Variants in EFR3A observed in about 807,000 individuals in gnomAD.
EFR3A encodes the protein protein EFR3 homolog A.
Under a neutral mutation model 104.4 loss-of-function variants are expected in EFR3A, and 76 were observed. That is an observed-to-expected ratio of 0.73 (90% CI 0.60 to 0.88). The LOEUF (loss-of-function observed/expected upper bound fraction) is 0.88. Among genes scored for constraint, EFR3A ranks in the 40% least tolerant of loss-of-function variants. The probability of loss-of-function intolerance (pLI) is 0.00; values close to 1 mark genes in which losing one functional copy is unlikely to be tolerated. For synonymous variants in EFR3A, 330 were observed against 330.0 expected, an observed-to-expected ratio of 1.00 and a Z score of 0.00; for missense variants, 985 against 1,012.5, an observed-to-expected ratio of 0.97 and a Z score of 0.37.
intron 18 of EFR3A, among the ~76,000 whole-genome samples, chr8:131,990,438 T>G (rs952464193): frequency 6.6e-6 from 1 of 152,164 alleles, no homozygotes; most frequent in African/African-American, 2.4e-5. Flanking sequence ...AAACTGTGCT[T>G]CATATGGTAG....
chr8:131,958,593 T>G (rs201136365), intron 7 of EFR3A, among the ~76,000 whole-genome samples: 4 of 152,076 alleles, frequency 2.6e-5, no homozygotes, highest in East Asian at 3.9e-4. Flanking sequence ...CAGGTCTTTT[T>G]TTTTTTTGTA....
chr8:131,999,870 T>C (rs887895219), intron 19 of EFR3A, among the ~76,000 whole-genome samples: 26 of 152,068 alleles, frequency 1.7e-4, no homozygotes, highest in Non-Finnish European at 1.9e-4. Context: ...AAAAAGAATC[T>C]CTCAAGTGTG....
At chr8:131,981,641 A>C (rs1820619259) in intron 14 of EFR3A, among the ~76,000 whole-genome samples, 1 of 152,128 alleles carries the variant, frequency 6.6e-6, no homozygotes. Flanking sequence ...TGGGTTCTGT[A>C]GGCACAGGAT....
intron 7 of EFR3A, 21 bp downstream of exon 7, chr8:131,955,926 T>A (rs1226832780): frequency 6.2e-7 from 1 of 1,610,098 alleles, no homozygotes; most frequent in South Asian, 1.1e-5. Context: ...GGTGTTTTCC[T>A]GGTTATTTGT....
At chr8:131,944,935 A>G in intron 3 of EFR3A, 63 bp downstream of exon 3, 2 of 1,543,560 alleles carry the variant, frequency 1.3e-6, no homozygotes, top group Non-Finnish European at 1.8e-6. Context: ...CTTTTAAATC[A>G]TTCTATAGAT....
At chr8:131,922,062 C>T (rs1817060032) in intron 1 of EFR3A, among the ~76,000 whole-genome samples, 1 of 152,174 alleles carries the variant, frequency 6.6e-6, no homozygotes, top group African/African-American at 2.4e-5. Flanking sequence ...GGGAAGAATA[C>T]TTCTTTGCCT....
At chr8:131,963,163 A>G (rs1819490970) in intron 8 of EFR3A, among the ~76,000 whole-genome samples, 1 of 152,252 alleles carries the variant, frequency 6.6e-6, no homozygotes, top group South Asian at 2.1e-4. Flanking sequence ...TAAAAGAACT[A>G]GAGAAGCAAG....
intron 17 of EFR3A, among the ~76,000 whole-genome samples, chr8:131,986,811 ATAAG>A (rs1273726802): frequency 6.6e-6 from 1 of 151,494 alleles, no homozygotes; most frequent in Non-Finnish European, 1.5e-5. Context: ...AAAAAAAAGA[ATAAG>A]AAAACTTACC....
chr8:131,904,958 G>A (rs982487559), intron 1 of EFR3A, among the ~76,000 whole-genome samples: 1 of 152,184 alleles, frequency 6.6e-6, no homozygotes, highest in Non-Finnish European at 1.5e-5. Flanking sequence ...TTGGGCCCCG[G>A]AGTCTGCATG....
At chr8:131,988,128 A>G (rs988087795) in intron 18 of EFR3A, among the ~76,000 whole-genome samples, 1 of 152,070 alleles carries the variant, frequency 6.6e-6, no homozygotes, top group Non-Finnish European at 1.5e-5. Flanking sequence ...AAATAAAACT[A>G]CAAACTTTTT....
intron 1 of EFR3A, among the ~76,000 whole-genome samples, chr8:131,905,634 A>G (rs1252394811): frequency 6.6e-6 from 1 of 152,094 alleles, no homozygotes; most frequent in African/African-American, 2.4e-5. Context: ...GTCCAGTTTA[A>G]ATTTCTGTTT....
At chr8:131,957,419 TG>T (rs1434287849) in intron 7 of EFR3A, among the ~76,000 whole-genome samples, 5 of 150,402 alleles carry the variant, frequency 3.3e-5, no homozygotes, top group Admixed American at 6.7e-5. Flanking sequence ...GGCATGATCT[TG>T]GCTCACCACA....
intron 22 of EFR3A, among the ~76,000 whole-genome samples, chr8:132,007,363 A>C (rs989057152): frequency 1.3e-5 from 2 of 151,940 alleles, no homozygotes; most frequent in African/African-American, 4.8e-5. Flanking sequence ...ATTAACAACA[A>C]ACAATTGCAA....
intron 18 of EFR3A, among the ~76,000 whole-genome samples, chr8:131,994,340 G>A (rs1821368115): frequency 6.6e-6 from 1 of 152,070 alleles, no homozygotes; most frequent in South Asian, 2.1e-4. Context: ...CTTCCCTACT[G>A]TTTTGGGGGA....
At chr8:131,905,289 G>A (rs1013772926) in intron 1 of EFR3A, among the ~76,000 whole-genome samples, 9 of 152,152 alleles carry the variant, frequency 5.9e-5, no homozygotes, top group African/African-American at 2.2e-4. Context: ...ACTACTTCTA[G>A]TTGTCCTTGT....
At position 131,941,339 on chromosome 8, in the gene EFR3A, C is replaced by CA. The variant is rs552745423; in HGVS notation, c.87+773dup. 1.8e-4 allele frequency among the ~76,000 whole-genome samples: 27 copies of CA among 150,260 alleles called. 1 individual carries two copies. The highest frequency in any genetic ancestry group is 5.8e-4 in the African/African-American group (24 of 41,058). ...TAGTCTCCTGTTAAATGAATAGGAA[C>CA]AAAAAAAAAGTTACATGGCTTTTGA... On this transcript the variant is annotated intron_variant, in intron 2 of 22. Coordinates refer to ENST00000254624, the MANE Select transcript of EFR3A (RefSeq NM_015137.6).
intron 8 of EFR3A, among the ~76,000 whole-genome samples, chr8:131,967,915 A>AAAT (rs1819838317): frequency 1.3e-5 from 2 of 151,832 alleles, no homozygotes; most frequent in African/African-American, 2.4e-5. Flanking sequence ...TTGTCCTATT[A>AAAT]TAAAAGTTTA....
rs1319195899 is a variant in EFR3A, at chr8:131,944,816, A to C, written c.159A>C (p.Arg53=). The C allele has an allele frequency of 8.7e-6, 14 of 1,610,298 alleles. No homozygotes were observed. In the Admixed American group the frequency reaches 1.8e-4, roughly 21 times the overall value. ...TATCTGCTCCAGAGAAACTGGATCG[A>C]ATTGGTTCTTACCTGGCAGAAAGGT... ...YAVSAPEKLD[R]IGSYLAERLS... is the part of the protein sequence containing the mutation. The change falls in exon 3 of 23, where the codon CGA becomes CGC. Residue 53 remains arginine, a synonymous_variant. Coordinates refer to ENST00000254624, the MANE Select transcript of EFR3A (RefSeq NM_015137.6).
At chr8:131,926,027 A>G (rs1315154742) in intron 1 of EFR3A, among the ~76,000 whole-genome samples, 1 of 152,148 alleles carries the variant, frequency 6.6e-6, no homozygotes, top group African/African-American at 2.4e-5. Flanking sequence ...CTAAAGCCAG[A>G]TCAGTCAGTG....
Sources: gnomAD v4.1 joint callset for allele counts (sites outside exome capture counted in the v4.1 genomes callset) on GRCh38, gnomAD v4.1.1 for gene constraint, MANE v1.5 for transcripts, NCBI Gene and HGNC (gene_info 2026-07-23, HGNC 2026-07-21) for gene names.